The following CALD1 variants were observed in gnomAD, a reference collection of about 807,000 sequenced individuals.
The protein encoded by CALD1 is caldesmon.
CALD1 carries 33 observed loss-of-function variants against 99.9 expected under a neutral mutation model. The ratio of observed to expected loss-of-function variants is 0.33; its 90% CI spans 0.25 to 0.44. The LOEUF is 0.44. Among genes scored for constraint, CALD1 ranks in the 20% least tolerant of loss-of-function variants. The pLI, the probability that CALD1 is intolerant of heterozygous loss-of-function variation, is 1.00. For synonymous variants in CALD1, 310 were observed against 325.0 expected (o/e 0.95, Z 0.50); for missense variants, 861 against 962.1 (o/e 0.89, Z 1.39).
At chr7:134,877,263 T>C (rs1207685684) in intron 3 of CALD1, among the ~76,000 whole-genome samples, 1 of 152,168 alleles carries the variant, frequency 6.6e-6, no homozygotes, top group Non-Finnish European at 1.5e-5. Context: ...TACAACTCCA[T>C]GTGTCAGATG....
intron 1 of CALD1, among the ~76,000 whole-genome samples, chr7:134,810,323 T>A (rs1257617013): frequency 6.6e-6 from 1 of 152,214 alleles, no homozygotes; most frequent in Admixed American, 6.5e-5. Context: ...TTTTTCCAGT[T>A]TCTGGTACAC....
chr7:134,794,119 T>G (rs1195751661), intron 1 of CALD1, among the ~76,000 whole-genome samples: 1 of 152,058 alleles, frequency 6.6e-6, no homozygotes, highest in Non-Finnish European at 1.5e-5. Flanking sequence ...CACACACACT[T>G]CAAAATAAGC....
At chr7:134,943,077 T>A (rs1460576868) in intron 7 of CALD1, among the ~76,000 whole-genome samples, 1 of 152,144 alleles carries the variant, frequency 6.6e-6, no homozygotes, top group Non-Finnish European at 1.5e-5. Context: ...CGTATGTGAG[T>A]TTTAGTTTCA....
intron 3 of CALD1, among the ~76,000 whole-genome samples, chr7:134,881,774 C>T (rs1003706363): frequency 6.6e-6 from 1 of 152,190 alleles, no homozygotes; most frequent in Non-Finnish European, 1.5e-5. Context: ...TCACCTGTCA[C>T]CCTCCCTAGA....
At chr7:134,801,688 C>T (rs1336452653) in intron 1 of CALD1, among the ~76,000 whole-genome samples, 5 of 152,142 alleles carry the variant, frequency 3.3e-5, no homozygotes, top group South Asian at 2.1e-4. Flanking sequence ...AGCACAGCCA[C>T]GGCTCACTGC....
rs79857317 is a variant in CALD1, at chr7:134,793,847, T to C, written c.-130+14098T>C. The stretch of plus-strand genomic sequence containing the variant: ...TTTTTTTTTTAAACCTTTTATGTTC[T>C]GGTCCTTCTTTTTTATTTCAACCCC... On this transcript the variant is annotated intron_variant, in intron 1 of 14. Transcript: ENST00000361675. Among the ~76,000 whole-genome samples, 1,319 of 152,196 alleles carry C rather than the reference T, an allele frequency of 8.7e-3. 24 individuals carry two copies. The highest frequency in any genetic ancestry group is 0.03 in the African/African-American group (1,256 of 41,506).
intron 3 of CALD1, among the ~76,000 whole-genome samples, chr7:134,904,715 T>C (rs370184849): frequency 6.6e-6 from 1 of 152,128 alleles, no homozygotes; most frequent in South Asian, 2.1e-4. Context: ...GATCAGGAAG[T>C]ATTCGCTTCT....
intron 1 of CALD1, among the ~76,000 whole-genome samples, chr7:134,788,129 A>T (rs1797377909): frequency 6.6e-6 from 1 of 152,234 alleles, no homozygotes. Flanking sequence ...ATAAAAACTA[A>T]ATCATATAAA....
At chr7:134,951,290 T>C (rs140211968) in intron 9 of CALD1, among the ~76,000 whole-genome samples, 6 of 152,338 alleles carry the variant, frequency 3.9e-5, no homozygotes, top group East Asian at 1.9e-4. Flanking sequence ...TTACAACATA[T>C]GGAAAGGAGG....
chr7:134,719,044 G>A, the CALD1 span, among the ~76,000 whole-genome samples: 3 of 152,106 alleles, frequency 2.0e-5, no homozygotes, highest in African/African-American at 7.2e-5. Flanking sequence ...AAGAAACTGA[G>A]GTATAAGGAC....
chr7:134,719,910 G>T, the CALD1 span, among the ~76,000 whole-genome samples: 1 of 152,172 alleles, frequency 6.6e-6, no homozygotes. Flanking sequence ...CGCCAAAGAT[G>T]CCCGCAGTGA....
chr7:134,877,807 C>T (rs1444250384), intron 3 of CALD1, among the ~76,000 whole-genome samples: 1 of 152,100 alleles, frequency 6.6e-6, no homozygotes, highest in Non-Finnish European at 1.5e-5. Flanking sequence ...AGAAGCTTCT[C>T]AATGCCAACA....
At chr7:134,967,311 A>C (rs892125080) in intron 14 of CALD1, among the ~76,000 whole-genome samples, 1 of 63,414 alleles carries the variant, frequency 1.6e-5, no homozygotes, top group African/African-American at 4.5e-5. Context: ...CCGAGAACTG[A>C]GTTTATGAGG....
At chr7:134,915,155 C>T (rs937143418) in intron 3 of CALD1, among the ~76,000 whole-genome samples, 1 of 152,230 alleles carries the variant, frequency 6.6e-6, no homozygotes, top group African/African-American at 2.4e-5. Context: ...TTGCCACCTC[C>T]TCCTCAGAAC....
intron 7 of CALD1, among the ~76,000 whole-genome samples, chr7:134,942,140 G>A (rs1490925898): frequency 6.6e-6 from 1 of 152,154 alleles, no homozygotes; most frequent in Non-Finnish European, 1.5e-5. Flanking sequence ...GTGCCGGAGA[G>A]GAGTCTTGGG....
chr7:134,958,787 T>C (rs1225063761), intron 11 of CALD1, among the ~76,000 whole-genome samples: 1 of 150,668 alleles, frequency 6.6e-6, no homozygotes, highest in African/African-American at 2.4e-5. Context: ...TTTAGGAGAG[T>C]TTTAAATAAA....
intron 1 of CALD1, among the ~76,000 whole-genome samples, chr7:134,825,511 T>C (rs942283223): frequency 2.0e-5 from 3 of 152,152 alleles, no homozygotes; most frequent in Non-Finnish European, 4.4e-5. Flanking sequence ...TTTAAAATTC[T>C]CTATATAAGG....
chr7:134,862,935 G>C (rs1800624103), intron 2 of CALD1, among the ~76,000 whole-genome samples: 1 of 152,116 alleles, frequency 6.6e-6, no homozygotes, highest in Non-Finnish European at 1.5e-5. Context: ...GAAGGCACTG[G>C]GGAAGGGTTT....
In CALD1 at chr7:134,941,168, T is replaced by G; in HGVS notation, c.1463T>G (p.Phe488Cys). 2 of 1,612,928 alleles carry G rather than the reference T, an allele frequency of 1.2e-6. No individual in the cohort carries two copies. Among genetic ancestry groups the G allele is most frequent in the Non-Finnish European group, 1.7e-6 (2 of 1,179,346 alleles). ...AGCTTCATGGATCGAAAGAAGGGAT[T>G]TACAGAAGTTAAGTCGCAGAATGGA... is the stretch of plus-strand genomic sequence containing the variant. ...VKSFMDRKKG[F>C]TEVKSQNGEF... Residue 488 changes from phenylalanine to cysteine, a missense_variant, in exon 7 of 15, where the codon TTT becomes TGT. This residue lies in a region of CALD1 where 293 missense variants were observed against 262.7 expected (regional missense o/e 1.12). Transcript: ENST00000361675.
Sources: allele counts gnomAD v4.1 joint callset (sites outside exome capture counted in the v4.1 genomes callset), GRCh38; gene constraint gnomAD v4.1.1; regional missense constraint gnomAD v4.1.1; transcripts MANE v1.5; gene names NCBI Gene and HGNC (gene_info 2026-07-23, HGNC 2026-07-21).